The following HNF4G variants were observed in gnomAD, a reference collection of about 807,000 sequenced individuals.
HNF4G encodes hepatocyte nuclear factor 4 gamma, also known as hepatocyte nuclear factor 4-gamma.
A neutral mutation model predicts 50.9 loss-of-function variants in HNF4G; 21 were observed. The ratio of observed to expected loss-of-function variants is 0.41; its 90% CI spans 0.29 to 0.59. The LOEUF (loss-of-function observed/expected upper bound fraction) is 0.59. Ranked by LOEUF, HNF4G falls within the 20% of genes least tolerant of loss-of-function variation. The pLI is 0.26. For missense variants in HNF4G, 527 were observed against 559.4 expected (o/e 0.94, Z 0.58); for synonymous variants, 198 against 185.6 (o/e 1.07, Z -0.54).
rs538222291 is a variant in HNF4G at position 75,498,432 on chromosome 8, AC to A, written c.-24+8225del. ...TAGTGATCAAAAACATTCCCGCAAA[AC>A]AAGTCCAGGATTATATGACTTCACT... On this transcript the variant is annotated intron_variant, in intron 2 of 10. Transcript: ENST00000354370. Among the ~76,000 whole-genome samples, 895 of 152,212 alleles carry A rather than the reference AC, an allele frequency of 5.9e-3. 3 individuals carry two copies. The highest frequency in any genetic ancestry group is 9.6e-3 in the Non-Finnish European group (652 of 67,962).
intron 1 of HNF4G, among the ~76,000 whole-genome samples, chr8:75,464,297 A>G (rs1258265867): frequency 3.3e-5 from 5 of 151,628 alleles, no homozygotes; most frequent in Non-Finnish European, 7.4e-5. Flanking sequence ...TTAGATTTAT[A>G]TTTACTTAAT....
At chr8:75,440,410 A>T (rs903362124) in intron 1 of HNF4G, among the ~76,000 whole-genome samples, 2 of 152,178 alleles carry the variant, frequency 1.3e-5, no homozygotes, top group Non-Finnish European at 2.9e-5. Context: ...TGTCTCAGCA[A>T]TTTTTAATGA....
chr8:75,464,114 A>T (rs1811914108), intron 1 of HNF4G, among the ~76,000 whole-genome samples: 1 of 152,106 alleles, frequency 6.6e-6, no homozygotes, highest in Admixed American at 6.6e-5. Context: ...CAACATTGCC[A>T]AACCACAAAT....
At chr8:75,500,382 A>G (rs2977953) in intron 2 of HNF4G, among the ~76,000 whole-genome samples, 42,666 of 152,030 alleles carry the variant, frequency 0.28, 7,464 homozygotes, top group African/African-American at 0.5. Flanking sequence ...GTGTTGGTGA[A>G]GATGTGGAGA....
intron 8 of HNF4G, among the ~76,000 whole-genome samples, chr8:75,559,347 C>G (rs1029346728): frequency 6.6e-6 from 1 of 151,478 alleles, no homozygotes; most frequent in South Asian, 2.1e-4. Context: ...AATCTCGGCT[C>G]ACTGCAACCT....
chr8:75,425,448 A>G (rs949901196), intron 1 of HNF4G, among the ~76,000 whole-genome samples: 1 of 151,752 alleles, frequency 6.6e-6, no homozygotes, highest in African/African-American at 2.4e-5. Flanking sequence ...TAGTGAGTCA[A>G]CAAATTAGCC....
Position 75,423,335 on chromosome 8 carries a change from C to CTTTTTTTTT in HNF4G, c.-144+15187_-144+15195dup, listed in dbSNP as rs34511777. 8.1e-4 allele frequency among the ~76,000 whole-genome samples: 77 copies of CTTTTTTTTT among 94,600 alleles called. 1 individual carries two copies. The highest frequency in any genetic ancestry group is 2.1e-3 in the African/African-American group (49 of 23,032). 62.1% of individuals were successfully genotyped at this position (94,600 alleles called of 152,430 possible). On this transcript the variant is annotated intron_variant, in intron 1 of 10. Transcript: ENST00000354370. ...CAGTATATTTATGACTTTTCTTTAT[C>CTTTTTTTTT]TTTTTTTTTTTTTTTTTTTTTTGAG...
At chr8:75,417,507 T>G (rs1321144389) in intron 1 of HNF4G, among the ~76,000 whole-genome samples, 1 of 152,226 alleles carries the variant, frequency 6.6e-6, no homozygotes, top group Non-Finnish European at 1.5e-5. Flanking sequence ...CCAAGGCCAT[T>G]CGTCTCCAGA....
At chr8:75,547,879 G>T (rs1016357506) in intron 3 of HNF4G, among the ~76,000 whole-genome samples, 198 bp downstream of exon 3, 8 of 152,056 alleles carry the variant, frequency 5.3e-5, no homozygotes, top group African/African-American at 1.4e-4. Context: ...GTATTTATCT[G>T]GTGACTACCT....
At chr8:75,438,873 G>A (rs961831931) in intron 1 of HNF4G, among the ~76,000 whole-genome samples, 2 of 151,906 alleles carry the variant, frequency 1.3e-5, no homozygotes, top group Non-Finnish European at 2.9e-5. Context: ...TCTTTCACGA[G>A]TAGGGTAAAT....
chr8:75,471,804 A>G (rs1812121388), intron 1 of HNF4G, among the ~76,000 whole-genome samples: 3 of 152,166 alleles, frequency 2.0e-5, no homozygotes, highest in Non-Finnish European at 4.4e-5. Context: ...TGTACTCCCA[A>G]TGTTGTGAGG....
intron 5 of HNF4G, 64 bp from the exon 6 acceptor site, chr8:75,555,918 C>T: frequency 1.1e-6 from 1 of 896,234 alleles, no homozygotes; most frequent in African/African-American, 1.7e-5. Context: ...GTTAACAAGA[C>T]TCATGTCATC....
intron 6 of HNF4G, among the ~76,000 whole-genome samples, chr8:75,557,936 A>C (rs930977835): frequency 3.9e-5 from 6 of 152,106 alleles, no homozygotes; most frequent in Non-Finnish European, 7.4e-5. Context: ...AACTCCCTTA[A>C]AGTCAGCCTT....
At chr8:75,563,504 T>A (rs1360187531) in intron 9 of HNF4G, among the ~76,000 whole-genome samples, 1 of 152,092 alleles carries the variant, frequency 6.6e-6, no homozygotes, top group Non-Finnish European at 1.5e-5. Context: ...TAAAGTATCT[T>A]AACCTTAATT....
rs1554573479 is a variant in HNF4G, at chr8:75,480,723, T to TTTTC, written c.-143-9363_-143-9362insCTTT. 4.1e-5 allele frequency among the ~76,000 whole-genome samples: 5 copies of TTTTC among 122,234 alleles called. 1 individual carries two copies. The highest frequency in any genetic ancestry group is 1.5e-4 in the Admixed American group (2 of 12,940). 80.2% of individuals were successfully genotyped at this position (122,234 alleles called of 152,430 possible). A position where few individuals can be genotyped will look rare whatever the true frequency, so the allele number is the denominator to read the frequency against. On this transcript the variant is annotated intron_variant, in intron 1 of 10. Coordinates refer to the HNF4G transcript ENST00000354370. ...CTCATTTCTTTTTCTTTTTCTTTCTTTTTTTTTTTTTTTGAGACAGAATCT... is the reference window on the plus strand; with the variant it reads ...CTCATTTCTTTTTCTTTTTCTTTCTTTTTCTTTTTTTTTTTTTGAGACAGAATCT...
Position 75,558,545 on chromosome 8 carries a change from G to A in HNF4G, c.761G>A (p.Ser254Asn), listed in dbSNP as rs1807200581. ...AACAACTATGTTATTCACCGCAACA[G>A]CTGTGAAGTTGAGATTAGCCGTGTG... The part of the protein sequence containing the change: ...LGNNYVIHRN[S>N]CEVEISRVAN... Residue 254 changes from serine to asparagine, a missense_variant, in exon 7 of 10, where the codon AGC (serine) becomes AAC (asparagine). Ser to Asn is a conservative substitution (Grantham distance 46). This residue lies in a region of HNF4G where 308 missense variants were observed against 301.5 expected (regional missense o/e 1.02). Coordinates refer to ENST00000396423, the MANE Select transcript of HNF4G (RefSeq NM_004133.5). 6.2e-7 allele frequency: 1 copy of A among 1,613,404 alleles called. No homozygotes were observed.
intron 3 of HNF4G, among the ~76,000 whole-genome samples, chr8:75,548,892 A>G (rs575570841): frequency 6.6e-6 from 1 of 152,330 alleles, no homozygotes; most frequent in African/African-American, 2.4e-5. Context: ...GTCGAAGACA[A>G]CAAAAAATAA....
upstream of HNF4G, among the ~76,000 whole-genome samples, chr8:75,536,608 A>C (rs903901595): frequency 3.3e-5 from 5 of 152,054 alleles, no homozygotes; most frequent in Admixed American, 2.0e-4. Flanking sequence ...TATAAAAAAA[A>C]CCGGTAACTG....
At chr8:75,415,403 C>T (rs1810609794) in intron 1 of HNF4G, among the ~76,000 whole-genome samples, 1 of 150,278 alleles carries the variant, frequency 6.7e-6, no homozygotes, top group Non-Finnish European at 1.5e-5. Context: ...ATAGCATGTA[C>T]AAAAAAAGAA....
Sources: gnomAD v4.1 joint callset for allele counts (sites outside exome capture counted in the v4.1 genomes callset) on GRCh38, gnomAD v4.1.1 for gene constraint, gnomAD v4.1.1 regional missense constraint, MANE v1.5 for transcripts, NCBI Gene and HGNC (gene_info 2026-07-23, HGNC 2026-07-21) for gene names.